ERI1: variants seen among roughly 807,000 people sequenced by gnomAD.
ERI1 encodes 3'-5' exoribonuclease 1.
A neutral mutation model predicts 39.7 loss-of-function variants in ERI1; 39 were observed. The ratio of observed to expected loss-of-function variants is 0.98; its 90% CI spans 0.76 to 1.28. The LOEUF (loss-of-function observed/expected upper bound fraction) is 1.28, where lower values mean the gene tolerates loss of function less well. Ranked by LOEUF, ERI1 falls within the 50% of genes most tolerant of loss-of-function variation. The probability of loss-of-function intolerance (pLI) is 0.00; values close to 1 mark genes in which losing one functional copy is unlikely to be tolerated. For synonymous variants in ERI1, 204 were observed against 149.6 expected (o/e 1.36, Z -2.65); for missense variants, 581 against 416.9 (o/e 1.39, Z -3.43).
intron 3 of ERI1, among the ~76,000 whole-genome samples, chr8:9,068,843 G>A (rs1220425116): frequency 2.6e-5 from 4 of 152,022 alleles, no homozygotes; most frequent in African/African-American, 7.2e-5. Context: ...TTGAGACAGG[G>A]TCTCTTTCTG....
intron 3 of ERI1, among the ~76,000 whole-genome samples, chr8:9,061,189 C>A (rs2117397614): frequency 6.6e-6 from 1 of 152,114 alleles, no homozygotes; most frequent in Non-Finnish European, 1.5e-5. Flanking sequence ...GAACTGCCAT[C>A]AATAAACTAA....
chr8:9,054,964 T>C (rs560081940), intron 3 of ERI1, among the ~76,000 whole-genome samples: 1 of 152,118 alleles, frequency 6.6e-6, no homozygotes, highest in East Asian at 1.9e-4. Flanking sequence ...CAACACATAA[T>C]AAATAGAAAT....
intron 3 of ERI1, among the ~76,000 whole-genome samples, chr8:9,081,634 G>C (rs1331466315): frequency 3.3e-5 from 5 of 151,074 alleles, no homozygotes; most frequent in African/African-American, 1.2e-4. Context: ...CTACCTAAAG[G>C]GAACACTTAA....
rs61736769 is a variant in ERI1 at position 9,003,134 on chromosome 8, C to G, written c.71C>G (p.Pro24Arg). The G allele has an allele frequency of 4.3e-4, 538 of 1,245,180 alleles. 2 individuals are homozygous for G. The African/African-American group carries it at 7.2e-3, about 17-fold the overall frequency. The allele number at this position is 1,245,180 out of a possible 1,614,324, so 77.1% of individuals were successfully genotyped here. Residue 24 changes from proline (P) to arginine (R), a missense_variant, in exon 1 of 7, where the codon CCG becomes CGG. By Grantham distance (103) the Pro-to-Arg change is moderately radical. Coordinates refer to ENST00000250263, the MANE Select transcript of ERI1 (RefSeq NM_153332.4). ...CTCGCGCTGCTGGAGTCGCCGCGGC[C>G]GGAGGGCGGGGAGGAGCCGCCGCGT... The part of the protein sequence containing the change: ...VALALLESPR[P>R]EGGEEPPRPS...
intron 3 of ERI1, among the ~76,000 whole-genome samples, chr8:9,057,496 A>C (rs980594826): frequency 1.3e-5 from 2 of 152,158 alleles, no homozygotes; most frequent in African/African-American, 4.8e-5. Context: ...TTTAGAAATC[A>C]CAGTTGTTAA....
At chr8:9,093,388 G>A (rs1225924867) in intron 3 of ERI1, among the ~76,000 whole-genome samples, 1 of 151,994 alleles carries the variant, frequency 6.6e-6, no homozygotes, top group Non-Finnish European at 1.5e-5. Context: ...TGAAGTACTG[G>A]GGGTTGAAAC....
intron 3 of ERI1, among the ~76,000 whole-genome samples, chr8:9,051,982 C>A (rs1307491158): frequency 6.6e-6 from 1 of 152,160 alleles, no homozygotes; most frequent in East Asian, 1.9e-4. Flanking sequence ...AAATAAGTGA[C>A]CTTGCTCTGT....
intron 3 of ERI1, among the ~76,000 whole-genome samples, chr8:9,044,570 C>T (rs981151073): frequency 6.6e-6 from 1 of 152,068 alleles, no homozygotes; most frequent in Non-Finnish European, 1.5e-5. Flanking sequence ...ACACAGAGGA[C>T]AGTGTAGGAG....
At chr8:9,004,392 C>T (rs1289954653) in intron 1 of ERI1, 26 of 705,374 alleles carry the variant, frequency 3.7e-5, no homozygotes, top group Non-Finnish European at 4.5e-5. Flanking sequence ...GACACTTTTA[C>T]AGCTACTTAA....
At position 9,018,322 on chromosome 8, in the gene ERI1, T is replaced by C. The variant is rs749812748; in HGVS notation, c.608T>C (p.Phe203Ser). The change falls in exon 5 of 7, where the codon TTC becomes TCC. Residue 203 changes from phenylalanine to serine, a missense_variant. Coordinates refer to ENST00000250263, the MANE Select transcript of ERI1 (RefSeq NM_153332.4). Reference protein sequence around the residue: ...TQDQVDRADTFPQVLKKVIDW... With the variant: ...TQDQVDRADTSPQVLKKVIDW... ...GATCAGGTAGACAGAGCTGATACCT[T>C]CCCTCAGGTACTAAAAAAAGTAATT... The C allele has an allele frequency of 6.2e-7, 1 of 1,612,020 alleles. No individual in the cohort carries two copies. The highest frequency in any genetic ancestry group is 8.5e-7 in the Non-Finnish European group (1 of 1,178,342).
At chr8:9,053,471 A>G (rs1798418907) in intron 3 of ERI1, among the ~76,000 whole-genome samples, 1 of 152,102 alleles carries the variant, frequency 6.6e-6, no homozygotes, top group East Asian at 1.9e-4. Context: ...CAGCCCAGCC[A>G]CTAGCCCCAT....
intron 4 of ERI1, among the ~76,000 whole-genome samples, chr8:9,016,808 C>T (rs1817344662): frequency 6.6e-6 from 1 of 152,136 alleles, no homozygotes; most frequent in African/African-American, 2.4e-5. Flanking sequence ...GCCTCAACCT[C>T]CTGAGTAACT....
chr8:9,020,521 T>C (rs1817770208), intron 6 of ERI1, 57 bp downstream of exon 6: 1 of 1,093,358 alleles, frequency 9.1e-7, no homozygotes, highest in East Asian at 2.6e-5. Flanking sequence ...TGTTAAAATT[T>C]GCATGTACGT....
At chr8:9,085,243 C>G (rs1374460524) in intron 3 of ERI1, among the ~76,000 whole-genome samples, 2 of 152,156 alleles carry the variant, frequency 1.3e-5, no homozygotes, top group African/African-American at 2.4e-5. Flanking sequence ...GAGTCTTGCT[C>G]TGTCACCCAG....
At chr8:9,068,915 C>G (rs1798966509) in intron 3 of ERI1, among the ~76,000 whole-genome samples, 1 of 152,134 alleles carries the variant, frequency 6.6e-6, no homozygotes, top group Admixed American at 6.6e-5. Context: ...TCCCTAGGCT[C>G]AAGCAATCCT....
At chr8:9,006,136 G>A (rs1356117847) in intron 1 of ERI1, among the ~76,000 whole-genome samples, 8 of 152,140 alleles carry the variant, frequency 5.3e-5, no homozygotes, top group East Asian at 3.8e-4. Context: ...ATACAAGTAG[G>A]GTTTTTAGTA....
chr8:9,073,036 C>T lies in ERI1; in HGVS notation n.300-43312C>T, dbSNP rs1378056886. Among the ~76,000 whole-genome samples, 2 of 152,200 alleles carry T rather than the reference C, an allele frequency of 1.3e-5. 1 individual carries two copies. Among genetic ancestry groups the T allele is most frequent in the Non-Finnish European group, 2.9e-5 (2 of 68,032 alleles). On this transcript the variant is annotated intron_variant and non_coding_transcript_variant, in intron 3 of 3. Transcript: ENST00000518663. ...TTACACCCCTCTTCTACTCTGCTGG[C>T]CTTCAGGATTTTTTTATTTTTATTC...
chr8:9,098,477 C>G (rs1419999989), intron 3 of ERI1, among the ~76,000 whole-genome samples: 3 of 152,178 alleles, frequency 2.0e-5, no homozygotes, highest in Non-Finnish European at 4.4e-5. Flanking sequence ...GAAATGGCGC[C>G]TTTGCACTCC....
downstream of ERI1, among the ~76,000 whole-genome samples, chr8:9,034,048 C>T (rs1210705656): frequency 6.6e-6 from 1 of 152,158 alleles, no homozygotes; most frequent in Non-Finnish European, 1.5e-5. Flanking sequence ...TTAAAATTTC[C>T]TCCATGTTCT....
Sources: gnomAD v4.1 joint callset for allele counts (sites outside exome capture counted in the v4.1 genomes callset) on GRCh38, gnomAD v4.1.1 for gene constraint, MANE v1.5 for transcripts, NCBI Gene and HGNC (gene_info 2026-07-23, HGNC 2026-07-21) for gene names.